ADAMTS14: variants seen among roughly 807,000 people sequenced by gnomAD.
ADAMTS14 encodes the protein A disintegrin and metalloproteinase with thrombospondin motifs 14.
ADAMTS14 carries 100 observed loss-of-function variants against 128.6 expected under a neutral mutation model. That is an observed-to-expected ratio of 0.78 (90% CI 0.66 to 0.92). The LOEUF is 0.92. ADAMTS14 is among the 40% of genes least tolerant of loss of function. The pLI is 0.00. For missense variants in ADAMTS14, 1,562 were observed against 1,658.6 expected (o/e 0.94, Z 1.01); for synonymous variants, 665 against 653.8 (o/e 1.02, Z -0.26).
intron 4 of ADAMTS14, among the ~76,000 whole-genome samples, chr10:70,720,560 C>A (rs1841224858): frequency 1.3e-5 from 2 of 152,184 alleles, no homozygotes; most frequent in African/African-American, 4.8e-5. Flanking sequence ...CCAGGGTAAA[C>A]CAGACCCAGC....
At chr10:70,680,386 C>T (rs1347230478) in intron 2 of ADAMTS14, among the ~76,000 whole-genome samples, 1 of 152,036 alleles carries the variant, frequency 6.6e-6, no homozygotes, top group Non-Finnish European at 1.5e-5. Context: ...GCCTAGGCAA[C>T]AAGAGCGAAA....
chr10:70,732,303 C>A lies in ADAMTS14; in HGVS notation c.1152C>A (p.Leu384=). 6.2e-7 allele frequency: 1 copy of A among 1,614,214 alleles called. No homozygotes were observed. Among genetic ancestry groups the A allele is most frequent in the South Asian group, 1.1e-5 (1 of 91,088 alleles). ...GMCHPLRSCA[L]NHEDGFSSAF... is the part of the protein sequence containing the mutation. The stretch of plus-strand genomic sequence containing the variant: ...GTCACCCCCTGAGGAGCTGTGCCCT[C>A]AACCATGAGGATGGCTTCTCCTCAG... Residue 384 remains leucine (L), a synonymous_variant, in exon 7 of 22, where the codon CTC becomes CTA. Transcript: ENST00000373207.
chr10:70,709,947 A>C (rs1176611699), intron 4 of ADAMTS14, among the ~76,000 whole-genome samples: 1 of 152,180 alleles, frequency 6.6e-6, no homozygotes, highest in Non-Finnish European at 1.5e-5. Context: ...GGGTGAGAGC[A>C]TATGGCCTTT....
At chr10:70,683,141 C>A (rs1010976267) in intron 2 of ADAMTS14, among the ~76,000 whole-genome samples, 1 of 152,230 alleles carries the variant, frequency 6.6e-6, no homozygotes, top group African/African-American at 2.4e-5. Flanking sequence ...GGGCCTCAGA[C>A]CCCCCTGCAT....
chr10:70,746,689 T>C (rs1842189268), intron 15 of ADAMTS14, among the ~76,000 whole-genome samples: 2 of 152,216 alleles, frequency 1.3e-5, no homozygotes, highest in Non-Finnish European at 2.9e-5. Flanking sequence ...GGTGCATGCC[T>C]GTAGTCCTAA....
At chr10:70,754,318 G>C (rs1249105663) in intron 19 of ADAMTS14, among the ~76,000 whole-genome samples, 1 of 152,178 alleles carries the variant, frequency 6.6e-6, no homozygotes, top group Non-Finnish European at 1.5e-5. Flanking sequence ...CTAGCTGTAT[G>C]CCAGACCTTG....
intron 2 of ADAMTS14, among the ~76,000 whole-genome samples, chr10:70,683,728 TCA>T (rs1051234186): frequency 3.3e-5 from 5 of 152,228 alleles, no homozygotes; most frequent in African/African-American, 1.2e-4. Context: ...TCCAGCCTGC[TCA>T]CGTGGCTGTG....
At chr10:70,687,292 C>A (rs1376872955) in intron 2 of ADAMTS14, among the ~76,000 whole-genome samples, 2 of 109,398 alleles carry the variant, frequency 1.8e-5, no homozygotes, top group African/African-American at 6.0e-5. Flanking sequence ...GGGGCTGACA[C>A]CCCCACCTCC....
rs774792954 is a variant in ADAMTS14, at chr10:70,733,904, G to A, written c.1228G>A (p.Gly410Ser). 2.5e-6 allele frequency: 4 copies of A among 1,613,610 alleles called. No individual in the cohort carries two copies. Among genetic ancestry groups the A allele is most frequent in the African/African-American group, 1.3e-5 (1 of 75,028 alleles). ...TGHVLGMEHD[G>S]QGNGCADETS... ...TTCCAGGCTCGGCATGGAGCATGAC[G>A]GTCAGGGGAATGGCTGTGCAGATGA... Residue 410 changes from glycine (G) to serine (S), a missense_variant, in exon 8 of 22, where the codon GGT becomes AGT. Physicochemically the swap from Gly to Ser is moderately conservative, Grantham distance 56 (BLOSUM62 0). Transcript: ENST00000373207.
chr10:70,685,841 G>A (rs1196314584), intron 2 of ADAMTS14, among the ~76,000 whole-genome samples: 1 of 152,208 alleles, frequency 6.6e-6, no homozygotes, highest in Non-Finnish European at 1.5e-5. Context: ...GGGCCTGGGG[G>A]TACTGAGTAG....
At chr10:70,707,621 G>A (rs1840706748) in intron 3 of ADAMTS14, among the ~76,000 whole-genome samples, 1 of 152,188 alleles carries the variant, frequency 6.6e-6, no homozygotes, top group East Asian at 1.9e-4. Context: ...GGCATAGATG[G>A]TAATGTTTCA....
At chr10:70,753,593 G>A (rs1415443643) in intron 18 of ADAMTS14, among the ~76,000 whole-genome samples, 1 of 152,178 alleles carries the variant, frequency 6.6e-6, no homozygotes, top group Non-Finnish European at 1.5e-5. Context: ...TTTTTCAGAC[G>A]AGACACAGCA....
intron 4 of ADAMTS14, among the ~76,000 whole-genome samples, chr10:70,721,729 A>G (rs2132648196): frequency 6.6e-6 from 1 of 152,118 alleles, no homozygotes; most frequent in South Asian, 2.1e-4. Context: ...AGGCAACATG[A>G]ACAGGTGAAG....
intron 2 of ADAMTS14, among the ~76,000 whole-genome samples, chr10:70,702,020 T>C (rs576270487): frequency 2.0e-5 from 3 of 152,302 alleles, no homozygotes; most frequent in East Asian, 1.9e-4. Flanking sequence ...GAAGCTCTGA[T>C]GTAATGAAAT....
Position 70,761,227 on chromosome 10 carries a change from C to T in ADAMTS14, c.*374C>T, listed in dbSNP as rs113366180. The T allele has an allele frequency of 2.6e-3, 509 of 193,176 alleles. No homozygotes were observed. Among genetic ancestry groups the T allele is most frequent in the African/African-American group, 4.9e-3 (210 of 43,150 alleles). 12.0% of individuals were successfully genotyped at this position (193,176 alleles called of 1,614,324 possible). A position where few individuals can be genotyped will look rare whatever the true frequency, so the allele number is the denominator to read the frequency against. On this transcript the variant is annotated 3_prime_UTR_variant, in exon 22 of 22. Coordinates refer to ENST00000373207, the MANE Select transcript of ADAMTS14 (RefSeq NM_080722.4). ...AAGCTGTCAGGGCTGCCTGCCTTCC[C>T]GGAACTGTGAGGACCCCTGTGGAGG...
Position 70,760,457 on chromosome 10 carries a change from C to T in ADAMTS14, c.3276C>T (p.Ser1092=). Residue 1092 remains serine (S), a synonymous_variant, in exon 22 of 22, where the codon TCC becomes TCT. Transcript: ENST00000373207. ...IPGYHRLCCV[S]CIKKASGPNP... is the part of the protein sequence containing the mutation. ...GCTACCACCGGCTCTGCTGTGTGTC[C>T]TGCATCAAGAAGGCCTCGGGCCCCA... is the stretch of plus-strand genomic sequence containing the variant. 1 of 1,613,936 alleles carries T rather than the reference C, an allele frequency of 6.2e-7. No homozygotes were observed. The highest frequency in any genetic ancestry group is 8.5e-7 in the Non-Finnish European group (1 of 1,179,988).
chr10:70,678,420 G>A (rs1839706889), intron 2 of ADAMTS14, among the ~76,000 whole-genome samples: 1 of 151,890 alleles, frequency 6.6e-6, no homozygotes, highest in African/African-American at 2.4e-5. Context: ...TTTCTTTGAT[G>A]TCAGAGAAGG....
intron 2 of ADAMTS14, among the ~76,000 whole-genome samples, chr10:70,686,139 A>G (rs1839944061): frequency 6.6e-6 from 1 of 152,216 alleles, no homozygotes; most frequent in Non-Finnish European, 1.5e-5. Flanking sequence ...TGCTTTCAGT[A>G]GCATGGCTGA....
intron 16 of ADAMTS14, 51 bp downstream of exon 16, chr10:70,750,036 T>A (rs756926389): frequency 1.1e-5 from 18 of 1,595,576 alleles, no homozygotes; most frequent in East Asian, 2.2e-5. Context: ...ACTTGTCCCC[T>A]TAGCTCGCTA....
Sources: gnomAD v4.1 joint callset for allele counts (sites outside exome capture counted in the v4.1 genomes callset) on GRCh38, gnomAD v4.1.1 for gene constraint, MANE v1.5 for transcripts, NCBI Gene and HGNC (gene_info 2026-07-23, HGNC 2026-07-21) for gene names.